PEX5: variants seen among roughly 807,000 people sequenced by gnomAD.
The protein encoded by PEX5 is PTS1 receptor.
Under a neutral mutation model 82.9 loss-of-function variants are expected in PEX5, and 52 were observed. The observed-to-expected ratio is 0.63, with a 90% CI of 0.50 to 0.79. The LOEUF is 0.79. Ranked by LOEUF, PEX5 falls within the 30% of genes least tolerant of loss-of-function variation. The pLI, the probability that PEX5 is intolerant of heterozygous loss-of-function variation, is 0.00. For synonymous variants in PEX5, 300 were observed against 318.8 expected, an observed-to-expected ratio of 0.94 and a Z score of 0.63; for missense variants, 719 against 815.2, an observed-to-expected ratio of 0.88 and a Z score of 1.44.
downstream of PEX5, among the ~76,000 whole-genome samples, chr12:7,212,358 C>T (rs1945633325): frequency 6.6e-6 from 1 of 150,960 alleles, no homozygotes; most frequent in Non-Finnish European, 1.5e-5. Flanking sequence ...AACTCCTGGC[C>T]TCAAGGAATC....
intron 5 of PEX5, among the ~76,000 whole-genome samples, chr12:7,197,144 A>ATTATTATATATGTCATATATAATG (rs1942612575): frequency 1.8e-4 from 1 of 5,686 alleles, no homozygotes; most frequent in South Asian, 0.016. Flanking sequence ...ATATAATGTA[A>ATTATTATATATGTCATATATAATG]TAATTATATA....
In PEX5 at chr12:7,190,493, C is replaced by G; in HGVS notation, c.116C>G (p.Pro39Arg). 1 of 1,613,664 alleles carries G rather than the reference C, an allele frequency of 6.2e-7. No homozygotes were observed. The highest frequency in any genetic ancestry group is 8.5e-7 in the Non-Finnish European group (1 of 1,179,844). Reference protein sequence around the residue: ...ALRQEGLRPGPWPPGAPASEA... With the variant: ...ALRQEGLRPGRWPPGAPASEA... ...CGGCAGGAGGGATTGAGGCCTGGCC[C>G]CTGGCCCCCCGGAGCCCCGGCCTCT... The change falls in exon 2 of 16, where the codon CCC (proline) becomes CGC (arginine). Residue 39 changes from proline (P) to arginine (R), a missense_variant. Transcript: ENST00000675855.
intron 5 of PEX5, among the ~76,000 whole-genome samples, chr12:7,196,121 TTATA>T (rs1942061041): frequency 9.1e-6 from 1 of 110,080 alleles, no homozygotes; most frequent in Non-Finnish European, 2.1e-5. Context: ...TTACATTATG[TTATA>T]TATAATGTAT....
chr12:7,196,371 A>G (rs1942237867), intron 5 of PEX5, among the ~76,000 whole-genome samples: 2 of 138,624 alleles, frequency 1.4e-5, no homozygotes, highest in South Asian at 4.6e-4. Flanking sequence ...TATGACATAT[A>G]TAATGTAATA....
rs1172517089 is a variant in PEX5, at chr12:7,209,125, C to T, written c.1515C>T (p.Asp505=). Residue 505 remains aspartate, a synonymous_variant, in exon 14 of 16, where the codon GAC becomes GAT. Transcript: ENST00000675855. The part of the protein sequence containing the change: ...GVLFNLSGEY[D]KAVDCFTAAL... ...TTTTCAACCTGAGTGGGGAGTATGACAAGGCCGTGGACTGCTTCACAGCTG... is the reference window on the plus strand; with the variant it reads ...TTTTCAACCTGAGTGGGGAGTATGATAAGGCCGTGGACTGCTTCACAGCTG... 3 of 1,614,046 alleles carry T rather than the reference C, an allele frequency of 1.9e-6. No individual in the cohort carries two copies. The highest frequency in any genetic ancestry group is 1.7e-5 in the Admixed American group (1 of 60,024).
At chr12:7,213,864 TCAAA>T (rs1945700133), downstream of PEX5, among the ~76,000 whole-genome samples, 3 of 150,560 alleles carry the variant, frequency 2.0e-5, no homozygotes, top group South Asian at 4.2e-4. Flanking sequence ...TACAATGAAC[TCAAA>T]CAAATTTACA....
intron 5 of PEX5, among the ~76,000 whole-genome samples, chr12:7,192,941 A>G (rs1941422062): frequency 6.6e-6 from 1 of 152,230 alleles, no homozygotes. Context: ...TCCCAAATCT[A>G]AAAACTAAAA....
At chr12:7,207,956 A>T in intron 11 of PEX5, 54 bp from the exon 12 acceptor site, 2 of 1,546,034 alleles carry the variant, frequency 1.3e-6, no homozygotes, top group South Asian at 2.2e-5. Context: ...GCCAGGGGGA[A>T]GGGCGAATGG....
intron 5 of PEX5, among the ~76,000 whole-genome samples, chr12:7,198,680 G>A (rs781251021): frequency 1.2e-4 from 19 of 152,248 alleles, no homozygotes; most frequent in Admixed American, 1.1e-3. Context: ...GAAAGTGAAA[G>A]CCCTTCCGCT....
At chr12:7,208,796 G>A in intron 13 of PEX5, 127 bp downstream of exon 13, 3 of 944,742 alleles carry the variant, frequency 3.2e-6, no homozygotes, top group East Asian at 2.5e-5. Context: ...GGGAAACCTA[G>A]GATCAAGTTG....
intron 10 of PEX5, among the ~76,000 whole-genome samples, chr12:7,206,223 A>C (rs1208659175): frequency 3.9e-5 from 6 of 152,234 alleles, no homozygotes; most frequent in Non-Finnish European, 7.3e-5. Context: ...CTAGCTGAGG[A>C]TGGTTTTAAC....
chr12:7,193,802 A>G (rs1591663466), intron 5 of PEX5, among the ~76,000 whole-genome samples: 1 of 152,232 alleles, frequency 6.6e-6, no homozygotes, highest in Non-Finnish European at 1.5e-5. Flanking sequence ...GAAATGAAAA[A>G]GAACTTTAGA....
At chr12:7,197,394 ATATATATGTCATATACAATGTAAT>A (rs1565688675) in intron 5 of PEX5, among the ~76,000 whole-genome samples, 3 of 50,092 alleles carry the variant, frequency 6.0e-5, no homozygotes, top group African/African-American at 2.7e-4. Context: ...TGTAATAATT[ATATATATGTCATATACAATGTAAT>A]TATATGTCAT....
rs749729761 is a variant in PEX5 at position 7,199,095 on chromosome 12, G to A, written c.533G>A (p.Gly178Glu). ...EEKLWLGEPE[G>E]TATDRWYDEY... ...AAGCTGTGGCTGGGAGAACCTGAGGGAACAGCCACCGATCGCTGGTGAGTT... is the reference window on the plus strand; with the variant it reads ...AAGCTGTGGCTGGGAGAACCTGAGGAAACAGCCACCGATCGCTGGTGAGTT... Residue 178 changes from glycine to glutamate, a missense_variant, in exon 6 of 16, where the codon GGA becomes GAA. Physicochemically the swap from Gly to Glu is moderately conservative, Grantham distance 98. Coordinates refer to ENST00000675855, the MANE Select transcript of PEX5 (RefSeq NM_001351132.2). 52 of 1,600,190 alleles carry A rather than the reference G, an allele frequency of 3.2e-5. No homozygotes were observed. Among genetic ancestry groups the A allele is most frequent in the Admixed American group, 1.3e-4 (8 of 59,354 alleles).
Position 7,210,894 on chromosome 12 carries a change from G to C in PEX5, c.*671G>C, listed in dbSNP as rs1292628345. 1 of 166,586 alleles carries C rather than the reference G, an allele frequency of 6.0e-6. No homozygotes were observed. Among genetic ancestry groups the C allele is most frequent in the Non-Finnish European group, 1.3e-5 (1 of 75,334 alleles). The allele number at this position is 166,586 out of a possible 1,614,324, so 10.3% of individuals were successfully genotyped here. A position where few individuals can be genotyped will look rare whatever the true frequency, so the allele number is the denominator to read the frequency against. On this transcript the variant is annotated 3_prime_UTR_variant, in exon 16 of 16. Coordinates refer to ENST00000675855, the MANE Select transcript of PEX5 (RefSeq NM_001351132.2). ...GGGCCAATTGCTACAGAGTGTCTGG[G>C]TGTGTGGCATAGGAGGAAGGTTTGC...
Position 7,209,718 on chromosome 12 carries a change from G to A in PEX5, c.1596G>A (p.Leu532=). The part of the protein sequence containing the change: ...YLLWNKLGAT[L]ANGNQSEEAV... ...TGTGGAATAAGCTAGGCGCCACCCTGGCCAATGGAAACCAGAGTGAAGAAG... is the reference window on the plus strand; with the variant it reads ...TGTGGAATAAGCTAGGCGCCACCCTAGCCAATGGAAACCAGAGTGAAGAAG... The change falls in exon 15 of 16, where the codon CTG becomes CTA. Residue 532 remains leucine, a synonymous_variant. Transcript: ENST00000675855. 1 of 1,438,238 alleles carries A rather than the reference G, an allele frequency of 7.0e-7. No homozygotes were observed. Among genetic ancestry groups the A allele is most frequent in the Non-Finnish European group, 9.2e-7 (1 of 1,084,004 alleles). The allele number at this position is 1,438,238 out of a possible 1,614,324, so 89.1% of individuals were successfully genotyped here. A position where few individuals can be genotyped will look rare whatever the true frequency, so the allele number is the denominator to read the frequency against.
At chr12:7,198,173 A>T (rs968838343) in intron 5 of PEX5, among the ~76,000 whole-genome samples, 3 of 152,170 alleles carry the variant, frequency 2.0e-5, no homozygotes, top group Non-Finnish European at 4.4e-5. Flanking sequence ...CTTTGTCACT[A>T]GAGCTTCTGA....
chr12:7,197,508 A>C (rs1942948902), intron 5 of PEX5, among the ~76,000 whole-genome samples: 1 of 128,498 alleles, frequency 7.8e-6, no homozygotes, highest in Non-Finnish European at 1.6e-5. Flanking sequence ...GTTATATATA[A>C]TGTAATAATT....
At chr12:7,204,175 A>C (rs1186195395) in intron 10 of PEX5, among the ~76,000 whole-genome samples, 2 of 152,210 alleles carry the variant, frequency 1.3e-5, no homozygotes, top group African/African-American at 4.8e-5. Context: ...TGTGGGTTGT[A>C]GGATATTTGG....
Sources: gnomAD v4.1 joint callset for allele counts (sites outside exome capture counted in the v4.1 genomes callset) on GRCh38, gnomAD v4.1.1 for gene constraint, MANE v1.5 for transcripts, NCBI Gene and HGNC (gene_info 2026-07-23, HGNC 2026-07-21) for gene names.